The following SPAG16 variants were observed in gnomAD, a reference collection of about 807,000 sequenced individuals.
The protein encoded by SPAG16 is sperm associated antigen 16.
In SPAG16, 86 loss-of-function variants were observed where a neutral mutation model predicts 80.4. The observed-to-expected ratio is 1.07, with a 90% CI of 0.90 to 1.28. SPAG16 has a LOEUF of 1.28. Among genes scored for constraint, SPAG16 ranks in the 50% most tolerant of loss-of-function variants. SPAG16 has a pLI of 0.00. For synonymous variants in SPAG16, 294 were observed against 265.9 expected, an observed-to-expected ratio of 1.11 and a Z score of -1.03; for missense variants, 870 against 765.3, an observed-to-expected ratio of 1.14 and a Z score of -1.61.
intron 10 of SPAG16, among the ~76,000 whole-genome samples, chr2:213,662,822 C>A (rs1039470918): frequency 4.0e-5 from 6 of 151,784 alleles, no homozygotes; most frequent in African/African-American, 1.5e-4. Flanking sequence ...GCTGAGATCT[C>A]TAAAGAGATC....
intron 9 of SPAG16, among the ~76,000 whole-genome samples, chr2:213,479,866 A>G (rs1016625921): frequency 6.6e-6 from 1 of 152,226 alleles, no homozygotes; most frequent in Non-Finnish European, 1.5e-5. Context: ...CAAGAAAGTT[A>G]TATGTTTATT....
intron 10 of SPAG16, among the ~76,000 whole-genome samples, chr2:213,624,132 T>C (rs1319903988): frequency 1.3e-5 from 2 of 152,134 alleles, no homozygotes; most frequent in Admixed American, 1.3e-4. Context: ...AAAAAACATC[T>C]GCATTCTAGA....
intron 12 of SPAG16, among the ~76,000 whole-genome samples, chr2:213,985,003 C>T (rs1409691361): frequency 6.6e-6 from 1 of 151,968 alleles, no homozygotes; most frequent in Non-Finnish European, 1.5e-5. Context: ...ATTTATTGAA[C>T]TTTGGTAAGT....
chr2:213,951,275 G>A (rs1056225427), intron 12 of SPAG16, among the ~76,000 whole-genome samples: 3 of 152,018 alleles, frequency 2.0e-5, no homozygotes, highest in Non-Finnish European at 2.9e-5. Context: ...AAAGCTTGTA[G>A]CATTTAAAAT....
chr2:213,927,175 T>C (rs2078517968), intron 11 of SPAG16, among the ~76,000 whole-genome samples: 1 of 152,206 alleles, frequency 6.6e-6, no homozygotes, highest in African/African-American at 2.4e-5. Flanking sequence ...AGGGTTCCCG[T>C]GCTCATGACC....
intron 10 of SPAG16, among the ~76,000 whole-genome samples, chr2:213,602,212 T>C (rs1017696223): frequency 2.0e-5 from 3 of 152,226 alleles, no homozygotes; most frequent in African/African-American, 7.2e-5. Context: ...GCTTTGTGTT[T>C]GGTACACTCT....
At chr2:214,310,701 A>T (rs1695236917) in intron 15 of SPAG16, among the ~76,000 whole-genome samples, 1 of 152,166 alleles carries the variant, frequency 6.6e-6, no homozygotes, top group Non-Finnish European at 1.5e-5. Context: ...CTTCCATATC[A>T]TGCCCCTATC....
chr2:213,478,665 A>G (rs2073567162), intron 9 of SPAG16, among the ~76,000 whole-genome samples: 1 of 151,916 alleles, frequency 6.6e-6, no homozygotes, highest in Non-Finnish European at 1.5e-5. Context: ...TTAGCCTGCT[A>G]TTTGCACATT....
chr2:213,347,119 T>C (rs1178187821), intron 6 of SPAG16, among the ~76,000 whole-genome samples: 2 of 152,106 alleles, frequency 1.3e-5, no homozygotes, highest in Non-Finnish European at 2.9e-5. Flanking sequence ...CTTGGGAGGG[T>C]GTATATGTCG....
In SPAG16 at chr2:213,375,191, G is replaced by A. The variant is rs1016786640; in HGVS notation, c.942+72G>A. 8 of 1,090,068 alleles carry A rather than the reference G, an allele frequency of 7.3e-6. No individual in the cohort carries two copies. In the African/African-American group the frequency reaches 1.3e-4, roughly 18 times the overall value. 67.5% of individuals were successfully genotyped at this position (1,090,068 alleles called of 1,614,324 possible). On this transcript the variant is annotated intron_variant, in intron 9 of 15. Transcript: ENST00000331683. ...ATCTTTAGATCCATTCACTCATATG[G>A]TATCATTATTTTACCGGAAAAGGAA...
At chr2:213,444,041 G>A (rs1474994168) in intron 9 of SPAG16, among the ~76,000 whole-genome samples, 1 of 152,168 alleles carries the variant, frequency 6.6e-6, no homozygotes, top group Non-Finnish European at 1.5e-5. Flanking sequence ...TGTTGGAGGA[G>A]GAGTGTGAAT....
Position 214,107,207 on chromosome 2 carries a change from G to A in SPAG16, c.1528-989G>A, listed in dbSNP as rs146806091. On this transcript the variant is annotated intron_variant, in intron 13 of 15. Coordinates refer to ENST00000331683, the MANE Select transcript of SPAG16 (RefSeq NM_024532.5). ...CTTATTATCTTCTAGTACATTTTAT[G>A]CCTTTATCACAAAATGCCCATCTCC... Among the ~76,000 whole-genome samples the A allele has an allele frequency of 1.1e-3, 173 of 152,118 alleles. 1 individual carries two copies. Among genetic ancestry groups the A allele is most frequent in the African/African-American group, 4.1e-3 (169 of 41,510 alleles).
intron 11 of SPAG16, among the ~76,000 whole-genome samples, chr2:213,881,496 G>T (rs1320799397): frequency 6.6e-6 from 1 of 152,114 alleles, no homozygotes; most frequent in Admixed American, 6.5e-5. Context: ...GCCTGAGACT[G>T]GGTAATTTAT....
chr2:213,485,154 C>A (rs1208978549), intron 9 of SPAG16, among the ~76,000 whole-genome samples: 1 of 152,028 alleles, frequency 6.6e-6, no homozygotes, highest in African/African-American at 2.4e-5. Context: ...GCCACCATGC[C>A]TGGCTAATTT....
intron 10 of SPAG16, among the ~76,000 whole-genome samples, chr2:213,508,932 T>G (rs1169456243): frequency 1.3e-5 from 2 of 151,562 alleles, no homozygotes; most frequent in African/African-American, 4.9e-5. Context: ...AAAAAAAAAG[T>G]CCCACAGCCT....
intron 11 of SPAG16, among the ~76,000 whole-genome samples, chr2:213,905,549 T>C (rs1391833806): frequency 6.6e-6 from 1 of 152,210 alleles, no homozygotes. Context: ...CATCAAATCA[T>C]TGATTCAACA....
intron 4 of SPAG16, among the ~76,000 whole-genome samples, chr2:213,312,727 AT>A (rs879356760): frequency 1.2e-4 from 18 of 151,794 alleles, no homozygotes; most frequent in Middle Eastern, 3.4e-3. Context: ...TACTAATTTA[AT>A]TTTTTTTAAT....
intron 13 of SPAG16, among the ~76,000 whole-genome samples, chr2:214,045,703 C>G (rs1559730337): frequency 6.6e-6 from 1 of 151,908 alleles, no homozygotes; most frequent in Non-Finnish European, 1.5e-5. Context: ...TGGGATACAG[C>G]CAAAGCAGTA....
At chr2:213,669,992 GTTCTAA>G (rs1456095171) in intron 10 of SPAG16, among the ~76,000 whole-genome samples, 54 of 150,448 alleles carry the variant, frequency 3.6e-4, no homozygotes, top group African/African-American at 1.2e-3. Context: ...TGGCAAGCAT[GTTCTAA>G]TTCTTTTTTT....
Sources: gnomAD v4.1 joint callset for allele counts (sites outside exome capture counted in the v4.1 genomes callset) on GRCh38, gnomAD v4.1.1 for gene constraint, MANE v1.5 for transcripts, NCBI Gene and HGNC (gene_info 2026-07-23, HGNC 2026-07-21) for gene names.